Variants in APLP2 observed in about 807,000 individuals in gnomAD.
APLP2 encodes the protein CDEI box-binding protein.
In APLP2, 53 loss-of-function variants were observed where a neutral mutation model predicts 89.9. The observed-to-expected ratio is 0.59, with a 90% CI of 0.47 to 0.74. The LOEUF is 0.74. Ranked by LOEUF, APLP2 falls within the 30% of genes least tolerant of loss-of-function variation. APLP2 has a pLI of 0.00. For missense variants in APLP2, 973 were observed against 975.9 expected, an observed-to-expected ratio of 1.00 and a Z score of 0.04; for synonymous variants, 372 against 348.6, an observed-to-expected ratio of 1.07 and a Z score of -0.75.
chr11:130,135,393 G>A lies in APLP2; in HGVS notation c.1685-170G>A, dbSNP rs114983994. Among the ~76,000 whole-genome samples, 747 of 152,192 alleles carry A rather than the reference G, an allele frequency of 4.9e-3. 5 individuals carry two copies. The highest frequency in any genetic ancestry group is 0.017 in the African/African-American group (699 of 41,512). On this transcript the variant is annotated intron_variant, in intron 12 of 16. Coordinates refer to ENST00000338167, the MANE Select transcript of APLP2 (RefSeq NM_001142276.2). ...AGGTGGATGCAGGGGTGCCTGGGAC[G>A]GCGCCCTGGGGTCCCTGGTGTTGGG...
At chr11:130,105,085 T>A (rs1456382730) in intron 1 of APLP2, among the ~76,000 whole-genome samples, 1 of 152,192 alleles carries the variant, frequency 6.6e-6, no homozygotes, top group Non-Finnish European at 1.5e-5. Flanking sequence ...ATAAATAAAT[T>A]AAAGTTTCCT....
chr11:130,116,238 G>C (rs923888739), intron 3 of APLP2, among the ~76,000 whole-genome samples: 2 of 151,996 alleles, frequency 1.3e-5, no homozygotes, highest in Admixed American at 6.6e-5. Context: ...ATACGCAGTG[G>C]GTTTCCTTTT....
At chr11:130,075,310 G>A (rs929882672) in intron 1 of APLP2, among the ~76,000 whole-genome samples, 2 of 151,976 alleles carry the variant, frequency 1.3e-5, no homozygotes, top group Non-Finnish European at 2.9e-5. Flanking sequence ...CACCACATTC[G>A]GCCAAGATCT....
rs1444491959 is a variant in APLP2, at chr11:130,141,200, C to T, written c.1924-298C>T. The T allele has an allele frequency of 3.2e-6, 1 of 313,734 alleles. No individual in the cohort carries two copies. Among genetic ancestry groups the T allele is most frequent in the East Asian group, 6.6e-5 (1 of 15,038 alleles). 19.4% of individuals were successfully genotyped at this position (313,734 alleles called of 1,614,324 possible). A position where few individuals can be genotyped will look rare whatever the true frequency, so the allele number is the denominator to read the frequency against. ...GGATTACAGGCGTGAGCCACCGCGC[C>T]TGGTGTAAACGGGGCTTTTTGGCAG... On this transcript the variant is annotated intron_variant, in intron 14 of 16. Coordinates refer to ENST00000338167, the MANE Select transcript of APLP2 (RefSeq NM_001142276.2). The surrounding 1 kb of genome is among the most constrained non-coding windows in gnomAD (Gnocchi z 4.2).
chr11:130,076,313 G>A (rs1001858212), intron 1 of APLP2, among the ~76,000 whole-genome samples: 7 of 152,192 alleles, frequency 4.6e-5, no homozygotes, highest in African/African-American at 1.2e-4. Context: ...GACCTCAAGC[G>A]ATCCAGCCGC....
At chr11:130,071,254 A>G (rs1040038773) in intron 1 of APLP2, among the ~76,000 whole-genome samples, 3 of 152,258 alleles carry the variant, frequency 2.0e-5, no homozygotes, top group African/African-American at 7.2e-5. Flanking sequence ...AGAATGTTCA[A>G]GTATTTCCAC....
intron 12 of APLP2, among the ~76,000 whole-genome samples, 169 bp from the exon 13 acceptor site, chr11:130,135,394 G>A (rs1250693724): frequency 6.6e-6 from 1 of 152,182 alleles, no homozygotes; most frequent in African/African-American, 2.4e-5. Flanking sequence ...GCCTGGGACG[G>A]CGCCCTGGGG....
At chr11:130,096,077 T>C (rs908642669) in intron 1 of APLP2, among the ~76,000 whole-genome samples, 8 of 152,172 alleles carry the variant, frequency 5.3e-5, no homozygotes, top group Non-Finnish European at 1.2e-4. Flanking sequence ...GGAATGCCCC[T>C]TTGAGCAGAG....
At chr11:130,099,881 G>C (rs998442641) in intron 1 of APLP2, among the ~76,000 whole-genome samples, 1 of 152,216 alleles carries the variant, frequency 6.6e-6, no homozygotes, top group African/African-American at 2.4e-5. Flanking sequence ...ATGCTAACGT[G>C]CTTGCTCTGC....
intron 4 of APLP2, 63 bp from the exon 5 acceptor site, chr11:130,121,550 CG>C: frequency 6.7e-7 from 1 of 1,489,498 alleles, no homozygotes; most frequent in Non-Finnish European, 9.0e-7. Flanking sequence ...GGGTAGAGAT[CG>C]GAGTGTATTT....
chr11:130,125,283 C>G (rs111338489), intron 7 of APLP2, among the ~76,000 whole-genome samples: 5 of 152,292 alleles, frequency 3.3e-5, no homozygotes, highest in African/African-American at 4.8e-5. Context: ...TGGAAGCAGC[C>G]TGTGTTTGCT....
At chr11:130,070,164 G>A in intron 1 of APLP2, 82 bp downstream of exon 1, 1 of 971,322 alleles carries the variant, frequency 1.0e-6, no homozygotes, top group Non-Finnish European at 1.3e-6. Flanking sequence ...CGGGGTCCGC[G>A]GCAGGGCGGG....
At chr11:130,073,714 G>A (rs569449402) in intron 1 of APLP2, among the ~76,000 whole-genome samples, 28 of 152,226 alleles carry the variant, frequency 1.8e-4, no homozygotes, top group Admixed American at 1.5e-3. Flanking sequence ...GATGGCGTGC[G>A]CCTGTAATCC....
chr11:130,122,374 G>C lies in APLP2; in HGVS notation c.783G>C (p.Glu261Asp). Residue 261 changes from glutamate (E) to aspartate (D), a missense_variant, in exon 6 of 17, where the codon GAG becomes GAC. By Grantham distance (45) the Glu-to-Asp change is conservative (BLOSUM62 2). Transcript: ENST00000338167. ...EAAVDEDDEDEEEGEEVVEDR... is the reference protein window; with the variant it reads ...EAAVDEDDEDDEEGEEVVEDR... Reference sequence around the variant, plus strand: ...CTGTGGATGAGGATGATGAGGATGAGGAAGAAGGGGAGGAAGTGGTGGAGG... The same window carrying C: ...CTGTGGATGAGGATGATGAGGATGACGAAGAAGGGGAGGAAGTGGTGGAGG... 6.2e-7 allele frequency: 1 copy of C among 1,614,142 alleles called. No homozygotes were observed. Among genetic ancestry groups the C allele is most frequent in the South Asian group, 1.1e-5 (1 of 91,080 alleles).
At chr11:130,097,992 A>T (rs140759473) in intron 1 of APLP2, among the ~76,000 whole-genome samples, 12 of 152,328 alleles carry the variant, frequency 7.9e-5, no homozygotes, top group Non-Finnish European at 1.8e-4. Flanking sequence ...GACCTTTCTT[A>T]GGTTTCTCAT....
intron 1 of APLP2, among the ~76,000 whole-genome samples, chr11:130,092,473 A>G (rs1285191404): frequency 1.5e-5 from 2 of 132,286 alleles, no homozygotes; most frequent in East Asian, 2.5e-4. Flanking sequence ...CAATCCCGGC[A>G]CCTCGGGAGG....
intron 1 of APLP2, among the ~76,000 whole-genome samples, chr11:130,091,911 C>T (rs1219853904): frequency 7.7e-6 from 1 of 130,338 alleles, no homozygotes; most frequent in Non-Finnish European, 1.6e-5. Flanking sequence ...CGGAGAGGCT[C>T]CTCACTTCTC....
intron 11 of APLP2, among the ~76,000 whole-genome samples, chr11:130,132,603 C>CTTT (rs1565598545): frequency 2.2e-5 from 3 of 136,020 alleles, no homozygotes; most frequent in African/African-American, 1.0e-4. Flanking sequence ...CTTCTAATGG[C>CTTT]CTTTTTTTTT....
intron 7 of APLP2, among the ~76,000 whole-genome samples, chr11:130,124,095 C>T (rs907490865): frequency 2.0e-5 from 3 of 152,112 alleles, no homozygotes; most frequent in African/African-American, 7.2e-5. Context: ...GTCTGCAGGT[C>T]CCCAGGCCAC....
Sources: allele counts gnomAD v4.1 joint callset (sites outside exome capture counted in the v4.1 genomes callset), GRCh38; gene constraint gnomAD v4.1.1; non-coding constraint Gnocchi (gnomAD v3.1); transcripts MANE v1.5; gene names NCBI Gene and HGNC (gene_info 2026-07-23, HGNC 2026-07-21).